The following KCNMA1 variants were observed in gnomAD, a reference collection of about 807,000 sequenced individuals.
The protein encoded by KCNMA1 is potassium calcium-activated channel subfamily M alpha 1.
KCNMA1 carries 29 observed loss-of-function variants against 140.0 expected under a neutral mutation model. That is an observed-to-expected ratio of 0.21 (90% CI 0.15 to 0.28). The LOEUF is 0.28. Among genes scored for constraint, KCNMA1 ranks in the 10% least tolerant of loss-of-function variants. KCNMA1 has a pLI of 1.00. For synonymous variants in KCNMA1, 612 were observed against 611.9 expected (o/e 1.00, Z 0.00); for missense variants, 880 against 1,602.2 (o/e 0.55, Z 7.70).
chr10:77,636,785 C>T, intron 1 of KCNMA1: 5 of 1,454,158 alleles, frequency 3.4e-6, no homozygotes, highest in Non-Finnish European at 4.5e-6. Context: ...TTCTTTCTGA[C>T]CCCACGAACT....
chr10:77,407,101 AAC>A (rs2096493266), intron 1 of KCNMA1, among the ~76,000 whole-genome samples: 1 of 152,236 alleles, frequency 6.6e-6, no homozygotes, highest in South Asian at 2.1e-4. Flanking sequence ...GGCAAGGAAA[AAC>A]ACAGACTAAA....
chr10:77,596,711 T>C (rs953376857), intron 1 of KCNMA1, among the ~76,000 whole-genome samples: 1 of 152,220 alleles, frequency 6.6e-6, no homozygotes, highest in African/African-American at 2.4e-5. Context: ...ATTTTAAACA[T>C]ATGGAAAATT....
intron 18 of KCNMA1, among the ~76,000 whole-genome samples, chr10:77,001,996 T>C (rs1435671743): frequency 2.0e-5 from 3 of 152,186 alleles, no homozygotes; most frequent in South Asian, 4.1e-4. Flanking sequence ...ATTAGCTGCT[T>C]ATTTGGTATA....
intron 14 of KCNMA1, among the ~76,000 whole-genome samples, chr10:77,070,716 A>G (rs902510477): frequency 3.3e-5 from 5 of 152,114 alleles, no homozygotes; most frequent in Non-Finnish European, 5.9e-5. Context: ...GGGCTTTGTG[A>G]TCCCTGGAAT....
intron 5 of KCNMA1, among the ~76,000 whole-genome samples, chr10:77,150,511 T>A (rs2098399511): frequency 6.6e-6 from 1 of 152,218 alleles, no homozygotes; most frequent in Non-Finnish European, 1.5e-5. Flanking sequence ...AGAAAGGGAC[T>A]GTAAGACACA....
intron 1 of KCNMA1, among the ~76,000 whole-genome samples, chr10:77,532,203 G>A (rs2057802020): frequency 6.6e-6 from 1 of 152,222 alleles, no homozygotes; most frequent in South Asian, 2.1e-4. Flanking sequence ...ATGCATTCCA[G>A]CACGATGAGA....
intron 1 of KCNMA1, among the ~76,000 whole-genome samples, chr10:77,562,303 C>T (rs1342542850): frequency 6.6e-6 from 1 of 152,118 alleles, no homozygotes; most frequent in African/African-American, 2.4e-5. Context: ...TTTTAGTAAG[C>T]ACCTGAATTT....
At chr10:77,603,719 C>G (rs571156488) in intron 1 of KCNMA1, among the ~76,000 whole-genome samples, 6 of 152,276 alleles carry the variant, frequency 3.9e-5, no homozygotes, top group Admixed American at 1.3e-4. Context: ...CACCCCACAA[C>G]CCAGCCCCCA....
chr10:77,430,046 T>A (rs2154493846), intron 1 of KCNMA1, among the ~76,000 whole-genome samples: 1 of 152,316 alleles, frequency 6.6e-6, no homozygotes, highest in East Asian at 1.9e-4. Context: ...ATTTGGTTTG[T>A]GAAAGGAAAG....
chr10:77,050,965 G>A (rs1167666146), intron 14 of KCNMA1, among the ~76,000 whole-genome samples: 1 of 152,204 alleles, frequency 6.6e-6, no homozygotes, highest in Non-Finnish European at 1.5e-5. Context: ...CAGGGGTCCA[G>A]ATTTATCTAC....
At chr10:77,540,806 G>C (rs1180659238) in intron 1 of KCNMA1, among the ~76,000 whole-genome samples, 1 of 152,134 alleles carries the variant, frequency 6.6e-6, no homozygotes, top group African/African-American at 2.4e-5. Flanking sequence ...TTGGAGACCA[G>C]CCTGGTCAAC....
intron 3 of KCNMA1, among the ~76,000 whole-genome samples, chr10:77,221,808 C>T (rs61867053): frequency 0.051 from 7,732 of 152,242 alleles, 241 homozygotes; most frequent in Non-Finnish European, 0.067. Context: ...CCTAAAACAG[C>T]ATTAAGCATT....
At chr10:76,917,109 A>G (rs1321716893) in intron 23 of KCNMA1, among the ~76,000 whole-genome samples, 1 of 152,204 alleles carries the variant, frequency 6.6e-6, no homozygotes, top group Non-Finnish European at 1.5e-5. Context: ...TTCTTCTAGG[A>G]TGGTGAAGGG....
intron 3 of KCNMA1, among the ~76,000 whole-genome samples, chr10:77,208,397 G>A (rs2044855471): frequency 6.6e-6 from 1 of 152,158 alleles, no homozygotes. Context: ...GCTGAGGCGG[G>A]ACGATCACTT....
intron 14 of KCNMA1, among the ~76,000 whole-genome samples, chr10:77,062,664 G>T (rs1473124242): frequency 4.6e-5 from 7 of 152,150 alleles, no homozygotes; most frequent in African/African-American, 1.7e-4. Context: ...CTACCACCAA[G>T]GGAATGGGGC....
At chr10:77,525,744 C>A (rs2055348464) in intron 1 of KCNMA1, among the ~76,000 whole-genome samples, 1 of 152,236 alleles carries the variant, frequency 6.6e-6, no homozygotes, top group Non-Finnish European at 1.5e-5. Flanking sequence ...GTGAGAACTG[C>A]CCTTTGCTAT....
At chr10:77,560,343 T>G (rs2065942453) in intron 1 of KCNMA1, among the ~76,000 whole-genome samples, 2 of 152,224 alleles carry the variant, frequency 1.3e-5, no homozygotes, top group African/African-American at 2.4e-5. Context: ...AACTTTTGTT[T>G]AATTACATAC....
intron 7 of KCNMA1, among the ~76,000 whole-genome samples, chr10:77,110,927 C>G (rs953696289): frequency 7.9e-5 from 12 of 152,356 alleles, no homozygotes; most frequent in African/African-American, 2.4e-4. Flanking sequence ...TGGTCCCAGC[C>G]TTGAGGCTGC....
intron 9 of KCNMA1, among the ~76,000 whole-genome samples, chr10:77,099,734 A>G (rs889785104): frequency 6.6e-6 from 1 of 150,562 alleles, no homozygotes; most frequent in African/African-American, 2.4e-5. Flanking sequence ...AAAAAAGAAA[A>G]GGAAAAAAGT....
Sources: gnomAD v4.1 joint callset for allele counts (sites outside exome capture counted in the v4.1 genomes callset) on GRCh38, gnomAD v4.1.1 for gene constraint, MANE v1.5 for transcripts, NCBI Gene and HGNC (gene_info 2026-07-23, HGNC 2026-07-21) for gene names.